The following TRIO variants were observed in gnomAD, a reference collection of about 807,000 sequenced individuals.
TRIO encodes the protein trio Rho guanine nucleotide exchange factor, also known as triple functional domain protein.
TRIO carries 58 observed loss-of-function variants against 351.9 expected under a neutral mutation model. The observed-to-expected ratio is 0.16, with a 90% CI of 0.13 to 0.21. The LOEUF is 0.21. TRIO is among the 10% of genes least tolerant of loss of function. TRIO has a pLI of 1.00. For missense variants in TRIO, 3,201 were observed against 4,027.8 expected, an observed-to-expected ratio of 0.79 and a Z score of 5.56; for synonymous variants, 1,758 against 1,595.7, an observed-to-expected ratio of 1.10 and a Z score of -2.42.
chr5:14,394,215 G>T, intron 28 of TRIO, 85 bp downstream of exon 28: 1 of 861,042 alleles, frequency 1.2e-6, no homozygotes, highest in Non-Finnish European at 1.7e-6. Context: ...TAATTACCCT[G>T]AATTTTTTGA....
At chr5:14,488,949 G>C (rs201754813) in intron 48 of TRIO, 1 of 764,212 alleles carries the variant, frequency 1.3e-6, no homozygotes. Context: ...TCATGCTGCC[G>C]TCTCAAGCAC....
chr5:14,479,000 ATGGTG>A (rs1225687180), intron 41 of TRIO, among the ~76,000 whole-genome samples: 1 of 150,976 alleles, frequency 6.6e-6, no homozygotes, highest in African/African-American at 2.5e-5. Context: ...TTTGCTACCT[ATGGTG>A]TTTGTTGGTA....
intron 28 of TRIO, 25 bp downstream of exon 28, chr5:14,394,155 G>A (rs376309442): frequency 2.1e-6 from 3 of 1,460,558 alleles, no homozygotes; most frequent in African/African-American, 1.4e-5. Flanking sequence ...TCTTCAGCCT[G>A]TGAAATTTTA....
chr5:14,364,586 A>C, intron 14 of TRIO, 64 bp from the exon 15 acceptor site: 1 of 1,535,606 alleles, frequency 6.5e-7, no homozygotes, highest in Non-Finnish European at 8.8e-7. Context: ...TGTGCCATCC[A>C]CCCTTTGAGA....
At chr5:14,190,434 C>T (rs1482105645) in intron 1 of TRIO, among the ~76,000 whole-genome samples, 2 of 152,140 alleles carry the variant, frequency 1.3e-5, no homozygotes, top group African/African-American at 2.4e-5. Context: ...CCCCTTTGTG[C>T]ATAAGAGATC....
At chr5:14,280,494 C>T in intron 3 of TRIO, 58 bp downstream of exon 3, 2 of 1,441,826 alleles carry the variant, frequency 1.4e-6, no homozygotes, top group Non-Finnish European at 2.0e-6. Context: ...AGATGTGGCG[C>T]TATACTCGTT....
intron 5 of TRIO, among the ~76,000 whole-genome samples, chr5:14,292,768 C>A (rs1049787206): frequency 6.6e-6 from 1 of 152,218 alleles, no homozygotes; most frequent in South Asian, 2.1e-4. Context: ...ACTCTCTTTA[C>A]TTATCTGCTT....
chr5:14,206,897 CA>C (rs1791493595), intron 1 of TRIO, among the ~76,000 whole-genome samples: 2 of 152,094 alleles, frequency 1.3e-5, no homozygotes, highest in Non-Finnish European at 2.9e-5. Context: ...AATCATGTTA[CA>C]TATGTTTAAA....
chr5:14,390,524 G>T (rs1421182290), intron 26 of TRIO: 72 of 576,462 alleles, frequency 1.2e-4, no homozygotes, highest in Non-Finnish European at 1.5e-5. Context: ...TATTTAGTGT[G>T]CCAGGTCTCC....
intron 47 of TRIO, among the ~76,000 whole-genome samples, chr5:14,486,900 A>G (rs544984856): frequency 2.0e-5 from 3 of 152,090 alleles, no homozygotes; most frequent in Admixed American, 1.3e-4. Context: ...AGGCTTTAAC[A>G]CTTCAAGAGT....
intron 1 of TRIO, among the ~76,000 whole-genome samples, chr5:14,152,289 A>G (rs939713518): frequency 2.6e-5 from 4 of 152,238 alleles, no homozygotes; most frequent in South Asian, 2.1e-4. Flanking sequence ...GCAAGGGAAC[A>G]TTACTAGCTC....
Position 14,435,898 on chromosome 5 carries a change from C to T in TRIO, c.5203+15877C>T, listed in dbSNP as rs183136190. Among the ~76,000 whole-genome samples, 137 of 152,326 alleles carry T rather than the reference C, an allele frequency of 9.0e-4. 2 individuals carry two copies. Among genetic ancestry groups the T allele is most frequent in the African/African-American group, 3.0e-3 (125 of 41,560 alleles). ...ACAGTCCTGGAGTCAGCCATTTCTC[C>T]AAGAAGCCCTCCTGGTCCGTTTTGT... On this transcript the variant is annotated intron_variant, in intron 34 of 56. Coordinates refer to ENST00000344204, the MANE Select transcript of TRIO (RefSeq NM_007118.4).
chr5:14,341,383 G>A (rs1021004067), intron 11 of TRIO, among the ~76,000 whole-genome samples: 1 of 152,162 alleles, frequency 6.6e-6, no homozygotes, highest in Non-Finnish European at 1.5e-5. Flanking sequence ...CTGCTTTTGT[G>A]TGTCTCCTAC....
At chr5:14,398,787 T>G in intron 29 of TRIO, 93 bp from the exon 30 acceptor site, 1 of 1,302,116 alleles carries the variant, frequency 7.7e-7, no homozygotes, top group Non-Finnish European at 1.0e-6. Context: ...GATGGGCATT[T>G]TTAAAATTGT....
At chr5:14,281,476 A>G (rs914823751) in intron 3 of TRIO, among the ~76,000 whole-genome samples, 1 of 114,180 alleles carries the variant, frequency 8.8e-6, no homozygotes, top group South Asian at 3.3e-4. Flanking sequence ...CCTACCTCCA[A>G]CATTGGGGGT....
chr5:14,357,865 G>A (rs186215296), intron 11 of TRIO, among the ~76,000 whole-genome samples: 33 of 152,284 alleles, frequency 2.2e-4, no homozygotes, highest in East Asian at 1.5e-3. Flanking sequence ...ATTGAGCCTC[G>A]GGAGAATGGG....
chr5:14,153,541 T>C (rs536683914), intron 1 of TRIO, among the ~76,000 whole-genome samples: 47 of 152,336 alleles, frequency 3.1e-4, no homozygotes, highest in African/African-American at 1.1e-3. Context: ...CAAGGGCCTG[T>C]ACTTTGCCAG....
Position 14,461,299 on chromosome 5 carries a change from G to A in TRIO, c.5484G>A (p.Glu1828=), listed in dbSNP as rs775090377. 3 of 1,578,928 alleles carry A rather than the reference G, an allele frequency of 1.9e-6. No individual in the cohort carries two copies. Among genetic ancestry groups the A allele is most frequent in the Non-Finnish European group, 2.6e-6 (3 of 1,162,290 alleles). The stretch of plus-strand genomic sequence containing the variant: ...ACAGTGCGGCCACCCCGCAGGACGA[G>A]ACGGTCGAGGAGGTGAGGCTCTGCC... The part of the protein sequence containing the change: ...SDDSAATPQD[E]TVEERGRNEG... The change falls in exon 35 of 57, where the codon GAG becomes GAA. Residue 1828 remains glutamate, a synonymous_variant. Coordinates refer to ENST00000344204, the MANE Select transcript of TRIO (RefSeq NM_007118.4).
intron 6 of TRIO, among the ~76,000 whole-genome samples, chr5:14,295,484 G>A (rs768555774): frequency 1.3e-5 from 2 of 152,180 alleles, no homozygotes; most frequent in South Asian, 2.1e-4. Flanking sequence ...AGTGACACAG[G>A]AAGCTGTTAC....
Sources: gnomAD v4.1 joint callset for allele counts (sites outside exome capture counted in the v4.1 genomes callset) on GRCh38, gnomAD v4.1.1 for gene constraint, MANE v1.5 for transcripts, NCBI Gene and HGNC (gene_info 2026-07-23, HGNC 2026-07-21) for gene names.